The following SPAG16 variants were observed in gnomAD, a reference collection of about 807,000 sequenced individuals.
SPAG16 encodes the protein sperm associated antigen 16.
In SPAG16, 86 loss-of-function variants were observed where a neutral mutation model predicts 80.4. The observed-to-expected ratio is 1.07, with a 90% CI of 0.90 to 1.28. SPAG16 has a LOEUF of 1.28. Among genes scored for constraint, SPAG16 ranks in the 50% most tolerant of loss-of-function variants. SPAG16 has a pLI of 0.00. For synonymous variants in SPAG16, 294 were observed against 265.9 expected (o/e 1.11, Z -1.03); for missense variants, 870 against 765.3 (o/e 1.14, Z -1.61).
chr2:214,018,256 A>AAAAAC (rs1202802789), intron 13 of SPAG16, among the ~76,000 whole-genome samples: 11 of 152,238 alleles, frequency 7.2e-5, no homozygotes, highest in Admixed American at 5.9e-4. Context: ...TAATTTATTA[A>AAAAAC]AAAACAAAAC....
chr2:213,874,937 C>A (rs2076087424), intron 11 of SPAG16, among the ~76,000 whole-genome samples: 1 of 152,012 alleles, frequency 6.6e-6, no homozygotes, highest in South Asian at 2.1e-4. Context: ...TTCCTGTCAT[C>A]CTTATAGAAA....
At chr2:213,352,255 A>C (rs2065375339) in intron 7 of SPAG16, among the ~76,000 whole-genome samples, 1 of 152,004 alleles carries the variant, frequency 6.6e-6, no homozygotes, top group Non-Finnish European at 1.5e-5. Flanking sequence ...GAATGAACTA[A>C]TACAAATGAG....
chr2:213,621,721 A>C (rs1179080363), intron 10 of SPAG16, among the ~76,000 whole-genome samples: 1 of 152,228 alleles, frequency 6.6e-6, no homozygotes, highest in African/African-American at 2.4e-5. Context: ...TCCATTAGCA[A>C]TGGTGAGCTG....
chr2:213,676,405 A>G lies in SPAG16; in HGVS notation c.1071-186080A>G, dbSNP rs977317194. ...CTCCTGCCTAATTGCCCTGGCCAGA[A>G]CTTCCAACACTATGTTGAATAGGAG... On this transcript the variant is annotated intron_variant, in intron 10 of 15. Coordinates refer to ENST00000331683, the MANE Select transcript of SPAG16 (RefSeq NM_024532.5). Among the ~76,000 whole-genome samples, 18 of 149,610 alleles carry G rather than the reference A, an allele frequency of 1.2e-4. No homozygotes were observed. In the East Asian group the frequency reaches 3.6e-3, roughly 30 times the overall value.
At chr2:213,811,796 G>A (rs748471328) in intron 10 of SPAG16, among the ~76,000 whole-genome samples, 16 of 152,070 alleles carry the variant, frequency 1.1e-4, no homozygotes, top group Non-Finnish European at 2.2e-4. Flanking sequence ...TCAGCACTAT[G>A]GATAAGATTG....
chr2:213,742,934 C>G (rs1322280889), intron 10 of SPAG16, among the ~76,000 whole-genome samples: 1 of 150,616 alleles, frequency 6.6e-6, no homozygotes, highest in Admixed American at 6.6e-5. Flanking sequence ...GACGGAGTCT[C>G]GCTCTGTCGC....
intron 15 of SPAG16, among the ~76,000 whole-genome samples, chr2:214,271,328 A>C (rs1691981605): frequency 1.3e-5 from 2 of 152,326 alleles, no homozygotes; most frequent in African/African-American, 2.4e-5. Context: ...TCCCCATCAA[A>C]GGTACTGAAT....
intron 15 of SPAG16, among the ~76,000 whole-genome samples, chr2:214,201,080 G>C (rs1576481785): frequency 6.6e-6 from 1 of 152,184 alleles, no homozygotes; most frequent in African/African-American, 2.4e-5. Context: ...AAGGGACACA[G>C]ACTGGTATTG....
chr2:213,716,547 CTGT>C (rs1160639137), intron 10 of SPAG16, among the ~76,000 whole-genome samples: 1 of 152,192 alleles, frequency 6.6e-6, no homozygotes, highest in Non-Finnish European at 1.5e-5. Context: ...TCTTAAACTG[CTGT>C]TGTTTTGGCA....
chr2:213,294,483 T>C (rs1324620845), intron 1 of SPAG16, among the ~76,000 whole-genome samples: 2 of 152,186 alleles, frequency 1.3e-5, no homozygotes, highest in South Asian at 4.1e-4. Flanking sequence ...ATGGATGAAT[T>C]AAGGTTATGG....
intron 5 of SPAG16, chr2:213,317,827 C>A: frequency 1.5e-6 from 1 of 689,048 alleles, no homozygotes; most frequent in Non-Finnish European, 1.8e-6. Context: ...CAGTTGTTAA[C>A]AAATGTATCC....
chr2:214,397,162 T>C (rs1158054444), intron 15 of SPAG16, among the ~76,000 whole-genome samples: 9 of 147,556 alleles, frequency 6.1e-5, no homozygotes, highest in Admixed American at 6.1e-4. Context: ...AATTTTCTTT[T>C]TTTTTTTTTT....
At chr2:214,030,128 C>A (rs948506584) in intron 13 of SPAG16, among the ~76,000 whole-genome samples, 20 of 152,242 alleles carry the variant, frequency 1.3e-4, no homozygotes, top group Admixed American at 4.6e-4. Context: ...GACTAACTCT[C>A]TATTTCCCCC....
At chr2:213,708,449 C>T (rs984067709) in intron 10 of SPAG16, among the ~76,000 whole-genome samples, 2 of 152,030 alleles carry the variant, frequency 1.3e-5, no homozygotes, top group Non-Finnish European at 2.9e-5. Context: ...TGCCTGTAAT[C>T]CCAGCACGTT....
intron 1 of SPAG16, among the ~76,000 whole-genome samples, chr2:213,289,437 G>A (rs1254146894): frequency 2.0e-5 from 3 of 152,158 alleles, no homozygotes; most frequent in Non-Finnish European, 4.4e-5. Flanking sequence ...TGCCAATTCT[G>A]TTGAATTGGT....
chr2:213,449,854 C>A (rs1179637060), intron 9 of SPAG16, among the ~76,000 whole-genome samples: 2 of 151,976 alleles, frequency 1.3e-5, no homozygotes, highest in Admixed American at 6.6e-5. Context: ...AATTTGAATA[C>A]AGTTTTATTT....
At chr2:213,969,753 A>G (rs746900992) in intron 12 of SPAG16, among the ~76,000 whole-genome samples, 1 of 152,098 alleles carries the variant, frequency 6.6e-6, no homozygotes, top group Non-Finnish European at 1.5e-5. Context: ...GACTAAGACA[A>G]TTTCTAAAAT....
intron 9 of SPAG16, among the ~76,000 whole-genome samples, chr2:213,457,521 A>G (rs2072092981): frequency 6.6e-6 from 1 of 152,228 alleles, no homozygotes. Flanking sequence ...TTGAGGCAAC[A>G]TGCAAAAACT....
intron 15 of SPAG16, among the ~76,000 whole-genome samples, chr2:214,353,107 G>C (rs75811526): frequency 0.01 from 1,589 of 151,910 alleles, 27 homozygotes; most frequent in African/African-American, 0.036. Flanking sequence ...TGTTACAAAT[G>C]GGTCATAATC....
Sources: gnomAD v4.1 joint callset for allele counts (sites outside exome capture counted in the v4.1 genomes callset) on GRCh38, gnomAD v4.1.1 for gene constraint, MANE v1.5 for transcripts, NCBI Gene and HGNC (gene_info 2026-07-23, HGNC 2026-07-21) for gene names.